Variants in INPP5F observed in about 807,000 individuals in gnomAD.
INPP5F encodes the protein phosphatidylinositide 4-phosphatase SAC2.
INPP5F carries 97 observed loss-of-function variants against 137.2 expected under a neutral mutation model. That is an observed-to-expected ratio of 0.71 (90% confidence interval 0.60 to 0.84). The LOEUF (loss-of-function observed/expected upper bound fraction) is 0.84. Among genes scored for constraint, INPP5F ranks in the 40% least tolerant of loss-of-function variants. INPP5F has a pLI of 0.00. For missense variants in INPP5F, 1,271 were observed against 1,371.9 expected, an observed-to-expected ratio of 0.93 and a Z score of 1.16; for synonymous variants, 504 against 476.9, an observed-to-expected ratio of 1.06 and a Z score of -0.74.
At position 119,805,413 on chromosome 10, in the gene INPP5F, C is replaced by T. The variant is rs141716473; in HGVS notation, c.1271C>T (p.Thr424Ile). 6.2e-7 allele frequency: 1 copy of T among 1,613,182 alleles called. No homozygotes were observed. The highest frequency in any genetic ancestry group is 1.7e-5 in the Admixed American group (1 of 60,022). ...GGAATGAAGTTTGAGAATGTTCAGA[C>T]ACTAACAGATGCCATTTATGACATT... ...CRGMKFENVQ[T>I]LTDAIYDIIL... Residue 424 changes from threonine to isoleucine, a missense_variant, in exon 11 of 20, where the codon ACA (threonine) becomes ATA (isoleucine). Transcript: ENST00000650623.
At chr10:119,726,779 G>T (rs1847906999) in intron 1 of INPP5F, among the ~76,000 whole-genome samples, 1 of 152,206 alleles carries the variant, frequency 6.6e-6, no homozygotes, top group Non-Finnish European at 1.5e-5. Flanking sequence ...GAGCGGTTGC[G>T]CCAGTTCCGT....
intron 15 of INPP5F, among the ~76,000 whole-genome samples, chr10:119,812,423 A>G (rs565973837): frequency 2.2e-4 from 34 of 151,698 alleles, no homozygotes; most frequent in African/African-American, 7.5e-4. Context: ...TGGTTCTTCA[A>G]AATATCAATG....
intron 2 of INPP5F, among the ~76,000 whole-genome samples, chr10:119,754,941 T>TA (rs1848793827): frequency 6.6e-6 from 1 of 152,170 alleles, no homozygotes; most frequent in Non-Finnish European, 1.5e-5. Context: ...CTTTGGAGGA[T>TA]AGGGGATGAG....
intron 17 of INPP5F, among the ~76,000 whole-genome samples, 157 bp from the exon 18 acceptor site, chr10:119,822,914 T>G (rs1460934918): frequency 6.6e-6 from 1 of 152,054 alleles, no homozygotes; most frequent in East Asian, 1.9e-4. Flanking sequence ...ATTGAAAGAG[T>G]TCTTCTAGCC....
rs536072110 is a variant in INPP5F, at chr10:119,795,869, A to G, written c.670-846A>G. On this transcript the variant is annotated intron_variant, in intron 6 of 19. Transcript: ENST00000650623. ...GGCTGGCGGATCACTCGCGGTTAGG[A>G]GCTGGAGACCAGCCCGGCCAACACG... Among the ~76,000 whole-genome samples, 14 of 152,298 alleles carry G rather than the reference A, an allele frequency of 9.2e-5. No homozygotes were observed. In the East Asian group the frequency reaches 2.3e-3, roughly 25 times the overall value.
chr10:119,733,265 G>T (rs145021146), intron 1 of INPP5F, among the ~76,000 whole-genome samples: 134 of 152,308 alleles, frequency 8.8e-4, no homozygotes, highest in African/African-American at 2.9e-3. Context: ...TCCTGTGCCT[G>T]CATTGACTTT....
chr10:119,755,110 C>T (rs1848801317), intron 2 of INPP5F, among the ~76,000 whole-genome samples: 1 of 152,194 alleles, frequency 6.6e-6, no homozygotes, highest in African/African-American at 2.4e-5. Context: ...GTGAGCAATG[C>T]CGCTGTTCCT....
chr10:119,784,230 AAG>A (rs1413016104), intron 3 of INPP5F, among the ~76,000 whole-genome samples: 3 of 152,216 alleles, frequency 2.0e-5, no homozygotes, highest in Non-Finnish European at 4.4e-5. Flanking sequence ...TAAATTGTAA[AAG>A]AGAAGAAAAA....
chr10:119,737,374 A>G (rs1848245727), intron 1 of INPP5F, among the ~76,000 whole-genome samples: 1 of 152,216 alleles, frequency 6.6e-6, no homozygotes, highest in East Asian at 1.9e-4. Flanking sequence ...AGTGACCTAT[A>G]TATAATCATT....
At chr10:119,794,417 C>T (rs1444128911) in intron 6 of INPP5F, among the ~76,000 whole-genome samples, 2 of 152,112 alleles carry the variant, frequency 1.3e-5, no homozygotes, top group South Asian at 2.1e-4. Context: ...CCACGTCTAC[C>T]TCTTTCTACA....
Position 119,811,693 on chromosome 10 carries a change from TTTTG to T in INPP5F, c.1688-60_1688-57del. ...TTACAGTTTTAGGTCTTACATTCTC[TTTTG>T]TTTTTTAAAAATATATTAGTAAACT... On this transcript the variant is annotated intron_variant, in intron 14 of 19. Coordinates refer to ENST00000650623, the MANE Select transcript of INPP5F (RefSeq NM_014937.4). 4 of 1,331,410 alleles carry T rather than the reference TTTTG, an allele frequency of 3.0e-6. No individual in the cohort carries two copies. The South Asian group carries it at 4.0e-5, about 13-fold the overall frequency. The allele number at this position is 1,331,410 out of a possible 1,614,324, so 82.5% of individuals were successfully genotyped here.
At chr10:119,762,175 A>G (rs951492391) in intron 2 of INPP5F, among the ~76,000 whole-genome samples, 2 of 152,170 alleles carry the variant, frequency 1.3e-5, no homozygotes, top group African/African-American at 4.8e-5. Flanking sequence ...TCAACTGTGT[A>G]TAATAGTTCT....
At chr10:119,750,068 C>T (rs1848648747) in intron 1 of INPP5F, among the ~76,000 whole-genome samples, 1 of 152,046 alleles carries the variant, frequency 6.6e-6, no homozygotes, top group East Asian at 1.9e-4. Context: ...CACGTCCAGC[C>T]AAAAACAAGT....
chr10:119,806,771 C>A lies in INPP5F; in HGVS notation c.1440+291C>A, dbSNP rs550452699. On this transcript the variant is annotated intron_variant, in intron 12 of 19. Transcript: ENST00000650623. Reference sequence around the variant, plus strand: ...CTTTTCCCTCTCACCTCCAAGCCCACCCTTCTGTGTTTGGGGCTGGAAGTC... The same window carrying A: ...CTTTTCCCTCTCACCTCCAAGCCCAACCTTCTGTGTTTGGGGCTGGAAGTC... Among the ~76,000 whole-genome samples the A allele has an allele frequency of 1.4e-3, 211 of 152,042 alleles. 1 individual carries two copies. The highest frequency in any genetic ancestry group is 2.5e-3 in the Non-Finnish European group (171 of 67,994).
At chr10:119,823,010 A>G (rs1851621867) in intron 17 of INPP5F, 61 bp from the exon 18 acceptor site, 2 of 1,495,228 alleles carry the variant, frequency 1.3e-6, no homozygotes, top group East Asian at 2.3e-5. Context: ...TCTTTTTAAG[A>G]TAATAGAAGA....
intron 15 of INPP5F, among the ~76,000 whole-genome samples, chr10:119,812,449 A>G (rs1851081757): frequency 6.6e-6 from 1 of 151,848 alleles, no homozygotes. Context: ...TGGGATCTAA[A>G]TTTATCCACT....
At chr10:119,761,001 T>A (rs1848993713) in intron 2 of INPP5F, among the ~76,000 whole-genome samples, 2 of 152,188 alleles carry the variant, frequency 1.3e-5, no homozygotes, top group Admixed American at 6.5e-5. Flanking sequence ...AGAAAATCAT[T>A]TTGCCCAACA....
Position 119,734,956 on chromosome 10 carries a change from G to A in INPP5F, c.97+8597G>A, listed in dbSNP as rs552446372. On this transcript the variant is annotated intron_variant, in intron 1 of 19. Coordinates refer to ENST00000650623, the MANE Select transcript of INPP5F (RefSeq NM_014937.4). ...TGAGCTGAGGAGAACATTTGAATCA[G>A]TATGTTTAACAACATAGGGAACTAA... Among the ~76,000 whole-genome samples the A allele has an allele frequency of 3.3e-4, 51 of 152,278 alleles. No individual in the cohort carries two copies. In the South Asian group the frequency reaches 9.5e-3, roughly 28 times the overall value.
intron 14 of INPP5F, among the ~76,000 whole-genome samples, chr10:119,810,708 T>G (rs1850998295): frequency 6.6e-6 from 1 of 152,184 alleles, no homozygotes; most frequent in African/African-American, 2.4e-5. Context: ...AACTCATCAT[T>G]TTTTTGGAAG....
Sources: gnomAD v4.1 joint callset for allele counts (sites outside exome capture counted in the v4.1 genomes callset) on GRCh38, gnomAD v4.1.1 for gene constraint, MANE v1.5 for transcripts, NCBI Gene and HGNC (gene_info 2026-07-23, HGNC 2026-07-21) for gene names.